Variants in ANKRD34C observed in about 807,000 individuals in gnomAD.
ANKRD34C encodes ankyrin repeat domain-containing protein 34C.
For missense variants in ANKRD34C, 563 were observed against 653.0 expected (o/e 0.86, Z 1.50); for synonymous variants, 260 against 253.6 (o/e 1.03, Z -0.24).
chr15:79,283,611 C>T (rs944737593), intron 1 of ANKRD34C: 1 of 152,240 alleles, frequency 6.6e-6, no homozygotes, highest in African/African-American at 2.4e-5. Flanking sequence ...AAAGTAGGCA[C>T]CTAAGCATTT....
chr15:79,290,188 C>T (rs1440780088), intron 1 of ANKRD34C, among the ~76,000 whole-genome samples: 4 of 108,812 alleles, frequency 3.7e-5, no homozygotes, highest in Admixed American at 1.1e-4. Context: ...TGACACCCAG[C>T]TTTTTTTTTT....
At chr15:79,290,964 T>C (rs979064185) in intron 1 of ANKRD34C, among the ~76,000 whole-genome samples, 2 of 152,240 alleles carry the variant, frequency 1.3e-5, no homozygotes, top group African/African-American at 4.8e-5. Flanking sequence ...TTGCTTTAAT[T>C]TGATTTTCCT....
intron 1 of ANKRD34C, among the ~76,000 whole-genome samples, chr15:79,290,548 AT>A (rs2058656578): frequency 2.6e-5 from 4 of 152,024 alleles, no homozygotes; most frequent in Admixed American, 2.6e-4. Flanking sequence ...TCTCACTCAC[AT>A]TGTTGCAGTT....
chr15:79,282,781 G>A lies in ANKRD34C; in HGVS notation c.-492G>A, dbSNP rs1461760589. On this transcript the variant is annotated 5_prime_UTR_variant, in exon 1 of 2. Coordinates refer to ENST00000421388, the MANE Select transcript of ANKRD34C (RefSeq NM_001146341.2). ...TCTCGGCGCCAGCGGGCAGCAGCGCGTCGTCAGCCAGCACAGCCGGCCGAA... is the reference window on the plus strand; with the variant it reads ...TCTCGGCGCCAGCGGGCAGCAGCGCATCGTCAGCCAGCACAGCCGGCCGAA... 6.6e-6 allele frequency among the ~76,000 whole-genome samples: 1 copy of A among 152,246 alleles called. No homozygotes were observed. Among genetic ancestry groups the A allele is most frequent in the Non-Finnish European group, 1.5e-5 (1 of 68,054 alleles).
intron 1 of ANKRD34C, among the ~76,000 whole-genome samples, chr15:79,288,291 A>C (rs755170579): frequency 6.6e-6 from 1 of 152,198 alleles, no homozygotes; most frequent in Non-Finnish European, 1.5e-5. Flanking sequence ...GAGGAGGAAG[A>C]GCAAATATAG....
intron 1 of ANKRD34C, among the ~76,000 whole-genome samples, chr15:79,287,691 G>T (rs1173877698): frequency 1.3e-5 from 2 of 152,224 alleles, no homozygotes; most frequent in African/African-American, 4.8e-5. Context: ...TTATTGGAAG[G>T]CTTCTAAGTC....
At position 79,295,243 on chromosome 15, in the gene ANKRD34C, T is replaced by C. The variant is rs1019924454; in HGVS notation, c.*351T>C. On this transcript the variant is annotated 3_prime_UTR_variant, in exon 2 of 2. Transcript: ENST00000421388. The stretch of plus-strand genomic sequence containing the variant: ...GGAGGTAGTATTTGGAGTATGTCAT[T>C]TGTAATAAATCTATAAAGTGCCTAC... The C allele has an allele frequency of 9.5e-6, 2 of 210,656 alleles. No homozygotes were observed. The highest frequency in any genetic ancestry group is 4.7e-5 in the African/African-American group (2 of 42,602). 13.0% of individuals were successfully genotyped at this position (210,656 alleles called of 1,614,324 possible).
At chr15:79,292,920 A>G (rs142868801) in intron 1 of ANKRD34C, among the ~76,000 whole-genome samples, 15 of 152,368 alleles carry the variant, frequency 9.8e-5, no homozygotes, top group Non-Finnish European at 1.6e-4. Context: ...CGCAGTCAAC[A>G]CAATAACATC....
Position 79,293,458 on chromosome 15 carries a change from C to T in ANKRD34C, c.174C>T (p.Asp58=), listed in dbSNP as rs369047222. The stretch of plus-strand genomic sequence containing the variant: ...TGGCGTGCATCACCAAACATGTGGA[C>T]CAGCAAAGCATCAGCAAGTCCAAGA... ...LMVACITKHV[D]QQSISKSKMV... is the part of the protein sequence containing the mutation. The change falls in exon 2 of 2, where the codon GAC becomes GAT. Residue 58 remains aspartate, a synonymous_variant. Coordinates refer to ENST00000421388, the MANE Select transcript of ANKRD34C (RefSeq NM_001146341.2). 1.7e-3 allele frequency: 2,645 copies of T among 1,551,530 alleles called. 6 individuals carry two copies. Among genetic ancestry groups the T allele is most frequent in the Middle Eastern group, 4.2e-3 (25 of 5,992 alleles).
In ANKRD34C at chr15:79,294,988, A is replaced by G; in HGVS notation, c.*96A>G. Reference sequence around the variant, plus strand: ...CATTCCTTAATGTTGAACTGTGGCCACTTCAGAAGATATAAAAGCAGGATG... The same window carrying G: ...CATTCCTTAATGTTGAACTGTGGCCGCTTCAGAAGATATAAAAGCAGGATG... On this transcript the variant is annotated 3_prime_UTR_variant, in exon 2 of 2. Transcript: ENST00000421388. 7.8e-7 allele frequency: 1 copy of G among 1,277,922 alleles called. No individual in the cohort carries two copies. Among genetic ancestry groups the G allele is most frequent in the South Asian group, 1.6e-5 (1 of 60,876 alleles). 79.2% of individuals were successfully genotyped at this position (1,277,922 alleles called of 1,614,324 possible).
rs975359626 is a variant in ANKRD34C, at chr15:79,295,038, C to T, written c.*146C>T. Reference sequence around the variant, plus strand: ...GCTGCTTCACTTCTGAGAATAATCCCTGGGTTTTTATAGGCCTACTTGAAA... The same window carrying T: ...GCTGCTTCACTTCTGAGAATAATCCTTGGGTTTTTATAGGCCTACTTGAAA... On this transcript the variant is annotated 3_prime_UTR_variant, in exon 2 of 2. Coordinates refer to ENST00000421388, the MANE Select transcript of ANKRD34C (RefSeq NM_001146341.2). 4 of 964,370 alleles carry T rather than the reference C, an allele frequency of 4.1e-6. No individual in the cohort carries two copies. In the African/African-American group the frequency reaches 5.0e-5, roughly 12 times the overall value. 59.7% of individuals were successfully genotyped at this position (964,370 alleles called of 1,614,324 possible).
chr15:79,293,129 A>C (rs1014051821), intron 1 of ANKRD34C, among the ~76,000 whole-genome samples, 112 bp from the exon 2 acceptor site: 1 of 152,230 alleles, frequency 6.6e-6, no homozygotes, highest in Non-Finnish European at 1.5e-5. Context: ...GGCCAAGTCA[A>C]TGTAAGTTGG....
Position 79,294,456 on chromosome 15 carries a change from C to A in ANKRD34C, c.1172C>A (p.Pro391His). The change falls in exon 2 of 2, where the codon CCC (proline) becomes CAC (histidine). Residue 391 changes from proline (P) to histidine (H), a missense_variant. By Grantham distance (77) the Pro-to-His change is moderately conservative. Transcript: ENST00000421388. ...DLDIQPGPDPPNSISLESGKG... is the reference protein window; with the variant it reads ...DLDIQPGPDPHNSISLESGKG... Reference sequence around the variant, plus strand: ...GATATACAGCCAGGGCCTGACCCTCCCAACTCCATTTCCCTTGAATCCGGC... The same window carrying A: ...GATATACAGCCAGGGCCTGACCCTCACAACTCCATTTCCCTTGAATCCGGC... 1 of 1,551,688 alleles carries A rather than the reference C, an allele frequency of 6.4e-7. No homozygotes were observed. Among genetic ancestry groups the A allele is most frequent in the Non-Finnish European group, 8.7e-7 (1 of 1,146,996 alleles).
At chr15:79,288,055 T>C (rs1178241287) in intron 1 of ANKRD34C, among the ~76,000 whole-genome samples, 2 of 152,074 alleles carry the variant, frequency 1.3e-5, no homozygotes, top group African/African-American at 4.8e-5. Context: ...CTTGTGAGAG[T>C]CAGAGTCACT....
Position 79,285,156 on chromosome 15 carries a change from A to G in ANKRD34C, c.-45+1928A>G, listed in dbSNP as rs569734882. ...GATTAAGGCTATAGCCACAGATAAA[A>G]TGAATACAAAGTATGTATATTATAA... On this transcript the variant is annotated intron_variant, in intron 1 of 1. Transcript: ENST00000421388. Among the ~76,000 whole-genome samples the G allele has an allele frequency of 2.6e-5, 4 of 152,382 alleles. No homozygotes were observed. The East Asian group carries it at 7.7e-4, about 29-fold the overall frequency.
Position 79,295,604 on chromosome 15 carries a change from C to A in ANKRD34C, c.*712C>A, listed in dbSNP as rs1239222609. 4 of 167,082 alleles carry A rather than the reference C, an allele frequency of 2.4e-5. No individual in the cohort carries two copies. Among genetic ancestry groups the A allele is most frequent in the African/African-American group, 9.6e-5 (4 of 41,460 alleles). The allele number at this position is 167,082 out of a possible 1,614,324, so 10.3% of individuals were successfully genotyped here. A position where few individuals can be genotyped will look rare whatever the true frequency, so the allele number is the denominator to read the frequency against. On this transcript the variant is annotated 3_prime_UTR_variant, in exon 2 of 2. Coordinates refer to ENST00000421388, the MANE Select transcript of ANKRD34C (RefSeq NM_001146341.2). Reference sequence around the variant, plus strand: ...GATAAATCTTGCTCCAGAAATGAAACTTTCCCCAGACCCGTCCCCTGACAC... The same window carrying A: ...GATAAATCTTGCTCCAGAAATGAAAATTTCCCCAGACCCGTCCCCTGACAC...
In ANKRD34C at chr15:79,294,282, A is replaced by G; in HGVS notation, c.998A>G (p.Tyr333Cys). ...SSAPASWKAA[Y>C]EKGQAPHPRL... ...GCACCGGCATCCTGGAAAGCAGCCTATGAGAAAGGTCAGGCTCCCCACCCA... is the reference window on the plus strand; with the variant it reads ...GCACCGGCATCCTGGAAAGCAGCCTGTGAGAAAGGTCAGGCTCCCCACCCA... Residue 333 changes from tyrosine (Y) to cysteine (C), a missense_variant, in exon 2 of 2, where the codon TAT (tyrosine) becomes TGT (cysteine). Coordinates refer to ENST00000421388, the MANE Select transcript of ANKRD34C (RefSeq NM_001146341.2). 6.4e-7 allele frequency: 1 copy of G among 1,551,714 alleles called. No homozygotes were observed. The highest frequency in any genetic ancestry group is 8.7e-7 in the Non-Finnish European group (1 of 1,146,988).
intron 1 of ANKRD34C, chr15:79,283,797 G>C (rs185264516): frequency 5.3e-5 from 8 of 152,226 alleles, no homozygotes; most frequent in Non-Finnish European, 8.8e-5. Context: ...CGCCCGAGGC[G>C]CACAGTGAGC....
Position 79,293,314 on chromosome 15 carries a change from TGA to T in ANKRD34C, c.31_32del (p.Asp11TrpfsTer28), listed in dbSNP as rs2058664209. MMDDDTELRTDGNSLLKAVWL... is the reference protein window; with the variant it reads MMDDDTELRTXGNSLLKAVWL... ...TGGATGATGACACTGAATTAAGGAC[TGA>T]TGGAAACTCTTTGTTAAAGGCTGTG... On this transcript the variant is annotated frameshift_variant, in exon 2 of 2. Coordinates refer to ENST00000421388, the MANE Select transcript of ANKRD34C (RefSeq NM_001146341.2). LOFTEE classifies it low-confidence loss of function (END_TRUNC). The T allele has an allele frequency of 6.5e-7, 1 of 1,538,394 alleles. No individual in the cohort carries two copies. The highest frequency in any genetic ancestry group is 2.0e-5 in the Admixed American group (1 of 49,790).
Sources: gnomAD v4.1 joint callset for allele counts (sites outside exome capture counted in the v4.1 genomes callset) on GRCh38, gnomAD v4.1.1 for gene constraint, MANE v1.5 for transcripts, NCBI Gene and HGNC (gene_info 2026-07-23, HGNC 2026-07-21) for gene names.